GALC: variants seen among roughly 807,000 people sequenced by gnomAD.
The protein encoded by GALC is galactosylceramidase.
A neutral mutation model predicts 91.8 loss-of-function variants in GALC; 77 were observed. The ratio of observed to expected loss-of-function variants is 0.84; its 90% CI spans 0.70 to 1.01. GALC has a LOEUF of 1.01. Ranked by LOEUF, GALC falls within the 50% of genes least tolerant of loss-of-function variation. The pLI is 0.00. For synonymous variants in GALC, 357 were observed against 306.7 expected (o/e 1.16, Z -1.71); for missense variants, 882 against 855.9 (o/e 1.03, Z -0.38).
At chr14:87,951,621 T>C (rs902601573) in intron 10 of GALC, among the ~76,000 whole-genome samples, 2 of 151,896 alleles carry the variant, frequency 1.3e-5, no homozygotes, top group African/African-American at 4.8e-5. Context: ...TACAGGAAGA[T>C]TCAAGTCACA....
At position 87,986,597 on chromosome 14, in the gene GALC, T is replaced by G. The variant is rs147313927; in HGVS notation, c.334A>C (p.Thr112Pro). The change falls in exon 4 of 17, where the codon ACT becomes CCT. Residue 112 changes from threonine (T) to proline (P), a missense_variant. Transcript: ENST00000261304. ...GCATAATGCATGTGGGAGGGCTCAG[T>G]GCCGTCTGAATAGAGGAGAGCAAAA... ...IGGDGQTTDG[T>P]EPSHMHYALD... 6.2e-7 allele frequency: 1 copy of G among 1,608,596 alleles called. No homozygotes were observed. Among genetic ancestry groups the G allele is most frequent in the Admixed American group, 1.7e-5 (1 of 59,968 alleles).
intron 8 of GALC, among the ~76,000 whole-genome samples, chr14:87,967,445 GA>G (rs1886103177): frequency 6.6e-6 from 1 of 152,038 alleles, no homozygotes; most frequent in Admixed American, 6.6e-5. Context: ...CTTTCACAAA[GA>G]GAAGAAAAAG....
At chr14:87,974,312 A>G (rs1299658073) in intron 7 of GALC, among the ~76,000 whole-genome samples, 2 of 152,228 alleles carry the variant, frequency 1.3e-5, no homozygotes, top group Non-Finnish European at 2.9e-5. Context: ...AGTTACACAG[A>G]AAGCAGAACT....
chr14:87,970,729 C>T (rs1430360121), intron 7 of GALC, among the ~76,000 whole-genome samples: 1 of 150,270 alleles, frequency 6.7e-6, no homozygotes, highest in Non-Finnish European at 1.5e-5. Flanking sequence ...ATTAGCCAGG[C>T]GTGGAGGTGT....
Position 87,960,437 on chromosome 14 carries a change from T to C in GALC, c.1161+2947A>G, listed in dbSNP as rs373040987. The stretch of plus-strand genomic sequence containing the variant: ...GAATGCTTTCATCACAAAGGAATGA[T>C]AAATTCATGAGGTGATGGGCATACC... On this transcript the variant is annotated intron_variant, in intron 10 of 16. Transcript: ENST00000261304. 2.0e-5 allele frequency among the ~76,000 whole-genome samples: 3 copies of C among 152,338 alleles called. No homozygotes were observed. In the East Asian group the frequency reaches 5.8e-4, roughly 29 times the overall value.
At chr14:87,987,191 A>G (rs1887012385) in intron 3 of GALC, 2 of 350,900 alleles carry the variant, frequency 5.7e-6, no homozygotes, top group Non-Finnish European at 1.1e-5. Context: ...GGTAATTGCT[A>G]TCAAAGTCCT....
intron 10 of GALC, among the ~76,000 whole-genome samples, chr14:87,956,834 A>G (rs1393339403): frequency 6.6e-6 from 1 of 151,980 alleles, no homozygotes; most frequent in East Asian, 1.9e-4. Context: ...TCTTTGATAA[A>G]TCTCCACATT....
Position 87,967,766 on chromosome 14 carries a change from C to CAAAAATGAGGAAT in GALC, c.908+556_908+568dup, listed in dbSNP as rs1477608054. On this transcript the variant is annotated intron_variant, in intron 8 of 16. Transcript: ENST00000261304. Reference sequence around the variant, plus strand: ...GGTCTTTTCAACAGATCACTGTCATCAAAAATGAGGAATAAGGAAACCACT... The same window carrying CAAAAATGAGGAAT: ...GGTCTTTTCAACAGATCACTGTCATCAAAAATGAGGAATAAAAATGAGGAATAAGGAAACCACT... 6.6e-5 allele frequency among the ~76,000 whole-genome samples: 10 copies of CAAAAATGAGGAAT among 152,054 alleles called. No homozygotes were observed. In the East Asian group the frequency reaches 1.4e-3, roughly 21 times the overall value.
chr14:87,938,011 G>T (rs1595186885), intron 16 of GALC, among the ~76,000 whole-genome samples: 1 of 151,876 alleles, frequency 6.6e-6, no homozygotes, highest in African/African-American at 2.4e-5. Context: ...CTGAAAGTTT[G>T]TTTTTTAAAA....
intron 12 of GALC, among the ~76,000 whole-genome samples, chr14:87,949,379 G>A (rs1303374365): frequency 6.6e-6 from 1 of 151,892 alleles, no homozygotes; most frequent in Non-Finnish European, 1.5e-5. Context: ...TAATCACTGA[G>A]GTCCTCTGAG....
At chr14:87,979,739 T>C (rs1207291718) in intron 6 of GALC, among the ~76,000 whole-genome samples, 2 of 152,190 alleles carry the variant, frequency 1.3e-5, no homozygotes, top group Non-Finnish European at 2.9e-5. Flanking sequence ...AATGTCAAAT[T>C]TGGGTATTTA....
At chr14:87,974,998 T>C (rs947595675) in intron 7 of GALC, among the ~76,000 whole-genome samples, 4 of 152,110 alleles carry the variant, frequency 2.6e-5, no homozygotes, top group Non-Finnish European at 5.9e-5. Flanking sequence ...AACTTTGTTT[T>C]CCTTCAAGAC....
At chr14:87,951,644 T>C (rs1158819452) in intron 10 of GALC, among the ~76,000 whole-genome samples, 4 of 151,916 alleles carry the variant, frequency 2.6e-5, no homozygotes, top group Non-Finnish European at 5.9e-5. Flanking sequence ...AAGTACTTTT[T>C]TAACCACTAT....
chr14:87,964,928 T>C (rs887014914), intron 9 of GALC, among the ~76,000 whole-genome samples: 2 of 152,152 alleles, frequency 1.3e-5, no homozygotes, highest in African/African-American at 4.8e-5. Flanking sequence ...TTAAAATCTT[T>C]TGAGCTTTAC....
intron 13 of GALC, 26 bp downstream of exon 13, chr14:87,947,702 G>C: frequency 6.2e-7 from 1 of 1,604,396 alleles, no homozygotes; most frequent in Non-Finnish European, 8.5e-7. Flanking sequence ...TAGAGACCAA[G>C]TTAAGTTTTA....
chr14:87,953,407 C>A lies in GALC; in HGVS notation c.1162-2659G>T, dbSNP rs1885391223. ...AGAAGCATATGAAAGTGGACAAAAC[C>A]AAGCATATTCTCTTGAACATTTTAG... On this transcript the variant is annotated intron_variant, in intron 10 of 16. Transcript: ENST00000261304. 24 of 1,458,854 alleles carry A rather than the reference C, an allele frequency of 1.6e-5. No homozygotes were observed. In the South Asian group the frequency reaches 2.4e-4, roughly 15 times the overall value. 90.4% of individuals were successfully genotyped at this position (1,458,854 alleles called of 1,614,324 possible).
chr14:87,976,765 C>A, intron 6 of GALC: 1 of 375,800 alleles, frequency 2.7e-6, no homozygotes, highest in African/African-American at 2.1e-5. Flanking sequence ...CAGGCACGCG[C>A]CACCACGCCT....
chr14:87,952,581 G>T (rs954627984), intron 10 of GALC: 4 of 1,240,664 alleles, frequency 3.2e-6, no homozygotes, highest in Non-Finnish European at 4.7e-6. Context: ...TTTAATGTCC[G>T]TTGCTGACCC....
chr14:87,952,963 G>C (rs1885374741), intron 10 of GALC: 1 of 925,004 alleles, frequency 1.1e-6, no homozygotes, highest in Admixed American at 1.8e-5. Context: ...GATATCTGTG[G>C]TCAGAACTTT....
Sources: allele counts gnomAD v4.1 joint callset (sites outside exome capture counted in the v4.1 genomes callset), GRCh38; gene constraint gnomAD v4.1.1; transcripts MANE v1.5; gene names NCBI Gene and HGNC (gene_info 2026-07-23, HGNC 2026-07-21).